The following GNG7 variants were observed in gnomAD, a reference collection of about 807,000 sequenced individuals.
GNG7 encodes guanine nucleotide-binding protein G(I)/G(S)/G(O) subunit gamma-7.
In GNG7, 1 loss-of-function variant was observed where a neutral mutation model predicts 4.0. That is an observed-to-expected ratio of 0.25 (90% CI 0.09 to 1.18). GNG7 has a LOEUF of 1.18. Ranked by LOEUF, GNG7 falls within the 50% of genes most tolerant of loss-of-function variation. GNG7 has a pLI of 0.50. For synonymous variants in GNG7, 34 were observed against 36.9 expected (o/e 0.92, Z 0.29); for missense variants, 86 against 91.9 (o/e 0.94, Z 0.26).
At chr19:2,588,229 C>A (rs1342649128) in intron 2 of GNG7, among the ~76,000 whole-genome samples, 2 of 152,202 alleles carry the variant, frequency 1.3e-5, no homozygotes, top group Middle Eastern at 6.8e-3. Context: ...TTGGTGGGGG[C>A]GTGAGAGGGT....
At position 2,626,068 on chromosome 19, in the gene GNG7, G is replaced by A. The variant is rs762693922; in HGVS notation, c.-78+20156C>T. ...CTCCCAAAGTGCTGGGATGACAGGC[G>A]TGAGCCATGGCGCCCGGCCTGATTA... On this transcript the variant is annotated intron_variant, in intron 2 of 4. Transcript: ENST00000382159. The surrounding 1 kb of genome is among the most constrained non-coding windows in gnomAD (Gnocchi z 5.0). 1.3e-5 allele frequency among the ~76,000 whole-genome samples: 2 copies of A among 152,182 alleles called. No individual in the cohort carries two copies. The highest frequency in any genetic ancestry group is 2.9e-5 in the Non-Finnish European group (2 of 68,030).
Position 2,657,359 on chromosome 19 carries a change from AAAATATATATATATATATATATAT to A in GNG7, c.-134-11103_-134-11080del, listed in dbSNP as rs1224438090. On this transcript the variant is annotated intron_variant, in intron 1 of 4. Transcript: ENST00000382159. ...AATTAAAAAAAAAAAAAAAAAAAAA[AAAATATATATATATATATATATAT>A]ATATATATATATATATACACATAAT... is the stretch of plus-strand genomic sequence containing the variant. Among the ~76,000 whole-genome samples the A allele has an allele frequency of 6.7e-4, 9 of 13,478 alleles. 2 individuals are homozygous for A. The highest frequency in any genetic ancestry group is 1.6e-3 in the African/African-American group (8 of 4,952). 8.8% of individuals were successfully genotyped at this position (13,478 alleles called of 152,430 possible).
intron 2 of GNG7, among the ~76,000 whole-genome samples, chr19:2,621,179 C>T (rs1981858329): frequency 6.6e-6 from 1 of 152,130 alleles, no homozygotes; most frequent in South Asian, 2.1e-4. Context: ...AAATTCTTGT[C>T]CACGGGGAAC....
chr19:2,657,397 T>TACACACAC (rs1386656692), intron 1 of GNG7, among the ~76,000 whole-genome samples: 4 of 82,716 alleles, frequency 4.8e-5, no homozygotes, highest in African/African-American at 2.0e-4. Context: ...TATATATATA[T>TACACACAC]ATACACATAA....
chr19:2,658,317 GCTAAAGGGTCACTGTTGCATATTC>G (rs1983049290), intron 1 of GNG7, among the ~76,000 whole-genome samples: 1 of 152,100 alleles, frequency 6.6e-6, no homozygotes, highest in African/African-American at 2.4e-5. Flanking sequence ...TGCTCTGTGA[GCTAAAGGGTCACTGTTGCATATTC>G]CTCTTTGTTA....
chr19:2,601,588 C>A (rs374387401), intron 2 of GNG7, among the ~76,000 whole-genome samples: 4 of 152,054 alleles, frequency 2.6e-5, no homozygotes, highest in African/African-American at 4.8e-5. Context: ...GCAATGCAAT[C>A]CCCCGATGTC....
At chr19:2,700,202 C>T (rs553265237) in intron 1 of GNG7, among the ~76,000 whole-genome samples, 16 of 150,536 alleles carry the variant, frequency 1.1e-4, no homozygotes, top group African/African-American at 3.4e-4. Context: ...AGTGCAATGG[C>T]GTGATCTTGG....
At chr19:2,681,795 T>G (rs1983743201) in intron 1 of GNG7, among the ~76,000 whole-genome samples, 1 of 152,036 alleles carries the variant, frequency 6.6e-6, no homozygotes, top group Admixed American at 6.6e-5. Flanking sequence ...GTTGTTTTGG[T>G]TTTTTTAATT....
intron 2 of GNG7, among the ~76,000 whole-genome samples, chr19:2,565,538 T>C (rs980947155): frequency 1.5e-4 from 22 of 148,546 alleles, no homozygotes; most frequent in Non-Finnish European, 2.7e-4. Flanking sequence ...AAACAAAAGC[T>C]GTTTGCGTCA....
intron 3 of GNG7, among the ~76,000 whole-genome samples, chr19:2,521,999 C>T (rs1200515653): frequency 2.0e-5 from 3 of 152,132 alleles, no homozygotes; most frequent in African/African-American, 2.4e-5. Context: ...ACAGGGCAGA[C>T]GATCACAGGA....
At chr19:2,550,123 AGTGT>A (rs1979268450) in intron 3 of GNG7, among the ~76,000 whole-genome samples, 1 of 152,112 alleles carries the variant, frequency 6.6e-6, no homozygotes, top group Non-Finnish European at 1.5e-5. Context: ...ATGGGGAAAG[AGTGT>A]TTGGGTTGAG....
At chr19:2,540,414 A>T (rs1489665577) in intron 3 of GNG7, among the ~76,000 whole-genome samples, 1 of 152,108 alleles carries the variant, frequency 6.6e-6, no homozygotes, top group African/African-American at 2.4e-5. Context: ...AGCCTCCCAA[A>T]GTGCTGGGAT....
intron 4 of GNG7, 53 bp from the exon 5 acceptor site, chr19:2,515,200 A>G: frequency 6.2e-7 from 1 of 1,606,864 alleles, no homozygotes; most frequent in African/African-American, 1.3e-5. Flanking sequence ...AGGCTGGCAC[A>G]CCCGGGTTCA....
chr19:2,525,971 A>ATTTTGTTTTTTTTTTTTTTTTT, intron 3 of GNG7, among the ~76,000 whole-genome samples: 1 of 75,678 alleles, frequency 1.3e-5, no homozygotes, highest in East Asian at 4.2e-4. Context: ...CTCCACGCCA[A>ATTTTGTTTTTTTTTTTTTTTTT]TTTTTTTTTT....
intron 2 of GNG7, chr19:2,610,983 A>C: frequency 1.1e-5 from 1 of 91,348 alleles, no homozygotes. Flanking sequence ...GGAGGGGGGG[A>C]ACGGGCTCAC....
At chr19:2,678,615 A>G (rs1488183907) in intron 1 of GNG7, among the ~76,000 whole-genome samples, 2 of 151,916 alleles carry the variant, frequency 1.3e-5, no homozygotes, top group Non-Finnish European at 2.9e-5. Flanking sequence ...CAGTTTCCCC[A>G]TCCACAACAC....
chr19:2,551,590 C>T (rs2314341), intron 3 of GNG7, among the ~76,000 whole-genome samples: 46,939 of 121,634 alleles, frequency 0.39, 12,406 homozygotes, highest in African/African-American at 0.55. Flanking sequence ...TATAAATATG[C>T]ATTTATAAAT....
chr19:2,579,904 T>C (rs1180544024), intron 2 of GNG7, among the ~76,000 whole-genome samples: 1 of 152,282 alleles, frequency 6.6e-6, no homozygotes, highest in East Asian at 1.9e-4. Context: ...TCATGGGGTC[T>C]GCAAGCCTGT....
chr19:2,665,977 T>G (rs1421218841), intron 1 of GNG7, among the ~76,000 whole-genome samples: 1 of 152,058 alleles, frequency 6.6e-6, no homozygotes, highest in African/African-American at 2.4e-5. Context: ...GTGATTCTCC[T>G]GCCTCAGTCC....
Sources: gnomAD v4.1 joint callset for allele counts (sites outside exome capture counted in the v4.1 genomes callset) on GRCh38, gnomAD v4.1.1 for gene constraint, Gnocchi (gnomAD v3.1) non-coding constraint, MANE v1.5 for transcripts, NCBI Gene and HGNC (gene_info 2026-07-23, HGNC 2026-07-21) for gene names.